The following OR56A3 variants were observed in gnomAD, a reference collection of about 807,000 sequenced individuals.
OR56A3 encodes olfactory receptor 56A3.
Under a neutral mutation model 17.5 loss-of-function variants are expected in OR56A3, and 23 were observed. The observed-to-expected ratio is 1.32, with a 90% CI of 0.95 to 1.87. The LOEUF (loss-of-function observed/expected upper bound fraction) is 1.87, where lower values mean the gene tolerates loss of function less well. Ranked by LOEUF, OR56A3 falls within the 40% of genes most tolerant of loss-of-function variation. The pLI is 0.00. For missense variants in OR56A3, 366 were observed against 380.1 expected (o/e 0.96, Z 0.31); for synonymous variants, 175 against 150.6 (o/e 1.16, Z -1.19).
At chr11:5,999,567 G>T in the OR56A3 span, 1 of 152,208 alleles carries the variant, frequency 6.6e-6, no homozygotes, top group Non-Finnish European at 1.5e-5. Flanking sequence ...AATCCTAATG[G>T]TCTTCACTAT....
chr11:5,994,230 C>T, the OR56A3 span: 2 of 543,322 alleles, frequency 3.7e-6, no homozygotes, highest in Non-Finnish European at 7.0e-6. Context: ...TCAGATTTCT[C>T]ATCCAGTCCA....
At chr11:6,015,087 A>G in the OR56A3 span, among the ~76,000 whole-genome samples, 1 of 149,386 alleles carries the variant, frequency 6.7e-6, no homozygotes, top group Non-Finnish European at 1.5e-5. Context: ...CAGCCTGGCC[A>G]TGTGGTAGAA....
At chr11:6,007,689 A>G in the OR56A3 span, among the ~76,000 whole-genome samples, 1 of 152,202 alleles carries the variant, frequency 6.6e-6, no homozygotes, top group Non-Finnish European at 1.5e-5. Flanking sequence ...GAATTCTTTC[A>G]GGATAATTTC....
At chr11:5,988,402 A>G in the OR56A3 span, among the ~76,000 whole-genome samples, 1 of 152,170 alleles carries the variant, frequency 6.6e-6, no homozygotes, top group Non-Finnish European at 1.5e-5. Context: ...AATAAAAGCA[A>G]TGGAGGAAGA....
chr11:5,958,241 A>G, the OR56A3 span, among the ~76,000 whole-genome samples: 1 of 152,164 alleles, frequency 6.6e-6, no homozygotes, highest in Non-Finnish European at 1.5e-5. Context: ...AACATCTGAT[A>G]TGAGGCAGCA....
the OR56A3 span, among the ~76,000 whole-genome samples, chr11:6,013,295 A>G: frequency 1.3e-5 from 2 of 152,288 alleles, no homozygotes; most frequent in African/African-American, 4.8e-5. Context: ...GGCAGGGGTG[A>G]CATCTCCACA....
At chr11:6,013,571 T>A in the OR56A3 span, among the ~76,000 whole-genome samples, 1 of 152,172 alleles carries the variant, frequency 6.6e-6, no homozygotes, top group Non-Finnish European at 1.5e-5. Context: ...GCACCCTGAG[T>A]TTTGCTTGGG....
chr11:6,004,696 C>T, the OR56A3 span, among the ~76,000 whole-genome samples: 21 of 152,298 alleles, frequency 1.4e-4, no homozygotes, highest in Admixed American at 2.6e-4. Flanking sequence ...ATTTCAATAT[C>T]TGATTAGGAA....
chr11:5,966,411 A>T, the OR56A3 span, among the ~76,000 whole-genome samples: 1 of 152,028 alleles, frequency 6.6e-6, no homozygotes, highest in South Asian at 2.1e-4. Flanking sequence ...GAAAAGATAA[A>T]CTGACTTATA....
the OR56A3 span, chr11:5,999,653 T>A: frequency 6.6e-6 from 1 of 152,144 alleles, no homozygotes; most frequent in Non-Finnish European, 1.5e-5. Context: ...AGTATAAGAT[T>A]TTATTGTTGT....
the OR56A3 span, among the ~76,000 whole-genome samples, chr11:5,982,508 A>G: frequency 2.0e-5 from 3 of 152,156 alleles, no homozygotes; most frequent in African/African-American, 7.2e-5. Flanking sequence ...GATGAAGCAC[A>G]TGGAGCCATG....
the OR56A3 span, among the ~76,000 whole-genome samples, chr11:5,990,795 T>A: frequency 6.6e-6 from 1 of 152,138 alleles, no homozygotes; most frequent in Non-Finnish European, 1.5e-5. Context: ...GTCCTTCTGG[T>A]CTCTGGGCTG....
chr11:6,004,844 T>C, the OR56A3 span, among the ~76,000 whole-genome samples: 2 of 152,220 alleles, frequency 1.3e-5, no homozygotes, highest in Admixed American at 1.3e-4. Flanking sequence ...AATAGTGTTT[T>C]CTTAGTTCCT....
At chr11:5,945,840 A>T (rs1467993735) in intron 2 of OR56A3, among the ~76,000 whole-genome samples, 1 of 152,208 alleles carries the variant, frequency 6.6e-6, no homozygotes. Flanking sequence ...TTACAAAAAT[A>T]ACCATATAAT....
chr11:5,953,935 C>T (rs1292981513), downstream of OR56A3, among the ~76,000 whole-genome samples: 2 of 151,958 alleles, frequency 1.3e-5, no homozygotes, highest in Non-Finnish European at 2.9e-5. Flanking sequence ...AAACTTTCTT[C>T]TGTAATAAGC....
chr11:5,989,959 T>C, the OR56A3 span, among the ~76,000 whole-genome samples: 1 of 152,236 alleles, frequency 6.6e-6, no homozygotes, highest in African/African-American at 2.4e-5. Context: ...TTGGTACTTA[T>C]TCATCTAATT....
At chr11:5,986,161 C>T in the OR56A3 span, 3 of 1,613,956 alleles carry the variant, frequency 1.9e-6, no homozygotes, top group Non-Finnish European at 2.5e-6. Flanking sequence ...GCCACATGTG[C>T]TAAACGCCTT....
the OR56A3 span, chr11:5,967,526 A>C: frequency 1.4e-6 from 2 of 1,442,354 alleles, 1 homozygote; most frequent in African/African-American, 2.9e-5. Flanking sequence ...TTCTGTTTTC[A>C]AGGTCAGGTT....
At chr11:5,967,835 A>G in the OR56A3 span, 5 of 1,565,284 alleles carry the variant, frequency 3.2e-6, no homozygotes, top group Admixed American at 7.7e-5. Context: ...TAAAAAAGTA[A>G]GAGAGAACAA....
Sources: allele counts gnomAD v4.1 joint callset (sites outside exome capture counted in the v4.1 genomes callset), GRCh38; gene constraint gnomAD v4.1.1; transcripts MANE v1.5; gene names NCBI Gene and HGNC (gene_info 2026-07-23, HGNC 2026-07-21).